Variants in OSBP observed in about 807,000 individuals in gnomAD.
The protein encoded by OSBP is oxysterol binding protein.
A neutral mutation model predicts 96.6 loss-of-function variants in OSBP; 32 were observed. That is an observed-to-expected ratio of 0.33 (90% CI 0.25 to 0.45). The LOEUF (loss-of-function observed/expected upper bound fraction) is 0.45, where lower values mean the gene tolerates loss of function less well. Ranked by LOEUF, OSBP falls within the 20% of genes least tolerant of loss-of-function variation. The probability of loss-of-function intolerance (pLI) is 1.00; values close to 1 mark genes in which losing one functional copy is unlikely to be tolerated. For synonymous variants in OSBP, 369 were observed against 389.6 expected (o/e 0.95, Z 0.62); for missense variants, 653 against 1,029.7 (o/e 0.63, Z 5.01).
chr11:59,582,121 T>C (rs778584744), intron 9 of OSBP, among the ~76,000 whole-genome samples: 3 of 152,254 alleles, frequency 2.0e-5, no homozygotes, highest in Non-Finnish European at 4.4e-5. Context: ...ACCCTTGTAA[T>C]TTCCCAAGTG....
chr11:59,578,515 A>G (rs1860385212), intron 11 of OSBP, among the ~76,000 whole-genome samples, 185 bp from the exon 12 acceptor site: 1 of 152,180 alleles, frequency 6.6e-6, no homozygotes, highest in Non-Finnish European at 1.5e-5. Flanking sequence ...CACTGATGCA[A>G]TCGTAGCTCA....
chr11:59,587,224 G>T (rs1012741564), intron 9 of OSBP, among the ~76,000 whole-genome samples: 2 of 152,256 alleles, frequency 1.3e-5, no homozygotes, highest in Admixed American at 1.3e-4. Flanking sequence ...AAGGAGGCTG[G>T]GTACGGCAGC....
At chr11:59,605,630 C>T (rs1860772745) in intron 3 of OSBP, among the ~76,000 whole-genome samples, 1 of 152,126 alleles carries the variant, frequency 6.6e-6, no homozygotes, top group African/African-American at 2.4e-5. Flanking sequence ...AGGTGATCCA[C>T]TCGACTCGGC....
intron 12 of OSBP, 114 bp downstream of exon 12, chr11:59,578,035 T>A: frequency 1.1e-6 from 1 of 934,602 alleles, no homozygotes; most frequent in Non-Finnish European, 1.7e-6. Flanking sequence ...AGTCTCAATT[T>A]CCCTTGCTCA....
intron 12 of OSBP, 89 bp from the exon 13 acceptor site, chr11:59,577,114 C>A: frequency 9.9e-7 from 1 of 1,007,886 alleles, no homozygotes; most frequent in South Asian, 1.5e-5. Context: ...GCCAAGGCCA[C>A]ATCACCAAGG....
Position 59,608,653 on chromosome 11 carries a change from A to G in OSBP, c.653T>C (p.Val218Ala). Residue 218 changes from valine to alanine, a missense_variant, in exon 3 of 14, where the codon GTA (valine) becomes GCA (alanine). By Grantham distance (64) the Val-to-Ala change is moderately conservative (BLOSUM62 0). Transcript: ENST00000263847. ...GTCATTGCACGTGCTCAAGTCCTCT[A>G]CTTTGCTAGAGAGGGTCCGAAGGGT... ...QNTLRTLSSK[V>A]EDLSTCNDLI... is the part of the protein sequence containing the mutation. The G allele has an allele frequency of 1.2e-6, 2 of 1,614,134 alleles. No homozygotes were observed. The highest frequency in any genetic ancestry group is 1.7e-6 in the Non-Finnish European group (2 of 1,179,988).
At chr11:59,578,453 A>G in intron 11 of OSBP, 123 bp from the exon 12 acceptor site, 1 of 890,352 alleles carries the variant, frequency 1.1e-6, no homozygotes, top group South Asian at 1.7e-5. Flanking sequence ...CCAGAGAGTC[A>G]TCCAAATTAT....
intron 3 of OSBP, among the ~76,000 whole-genome samples, chr11:59,605,661 C>CACA (rs1281561223): frequency 6.6e-6 from 1 of 152,194 alleles, no homozygotes; most frequent in African/African-American, 2.4e-5. Context: ...GCTGGGATTA[C>CACA]AGGTGTGAGG....
At chr11:59,593,025 A>G (rs376671804) in intron 9 of OSBP, among the ~76,000 whole-genome samples, 7 of 152,132 alleles carry the variant, frequency 4.6e-5, no homozygotes, top group African/African-American at 1.7e-4. Flanking sequence ...CTTGAACTCC[A>G]GAGCTCAGAC....
At position 59,576,384 on chromosome 11, in the gene OSBP, T is replaced by C; in HGVS notation, c.*193A>G. 1 of 617,034 alleles carries C rather than the reference T, an allele frequency of 1.6e-6. No individual in the cohort carries two copies. Among genetic ancestry groups the C allele is most frequent in the Non-Finnish European group, 2.8e-6 (1 of 356,388 alleles). The allele number at this position is 617,034 out of a possible 1,614,324, so 38.2% of individuals were successfully genotyped here. On this transcript the variant is annotated 3_prime_UTR_variant, in exon 14 of 14. Coordinates refer to ENST00000263847, the MANE Select transcript of OSBP (RefSeq NM_002556.3). ...ATAGTATCTCCTATGTCGATTTCAG[T>C]TTCAATCAGCTAAGGCAACCAGCCA...
At position 59,577,771 on chromosome 11, in the gene OSBP, G is replaced by A. The variant is rs979489883; in HGVS notation, c.2060+378C>T. ...CTCCCAAAGTGCTGGGATTGCAGGC[G>A]TGAGCCACCGCACCTGGCTGCTGAT... On this transcript the variant is annotated intron_variant, in intron 12 of 13. Transcript: ENST00000263847. Among the ~76,000 whole-genome samples the A allele has an allele frequency of 6.6e-5, 10 of 152,296 alleles. No individual in the cohort carries two copies. In the East Asian group the frequency reaches 7.7e-4, roughly 12 times the overall value.
Position 59,576,620 on chromosome 11 carries a change from C to T in OSBP, c.2381G>A (p.Cys794Tyr), listed in dbSNP as rs1182468515. The change falls in exon 14 of 14, where the codon TGT becomes TAT. Residue 794 changes from cysteine to tyrosine, a missense_variant. By Grantham distance (194) the Cys-to-Tyr change is radical (BLOSUM62 -2). This residue lies in a region of OSBP where 169 missense variants were observed against 251.5 expected (regional missense o/e 0.67). Transcript: ENST00000263847. ...TGAGCTCCAGTCCTGTTTTTCTTTACACTCCCAGTATTCTCCCCTATAAAT... is the reference window on the plus strand; with the variant it reads ...TGAGCTCCAGTCCTGTTTTTCTTTATACTCCCAGTATTCTCCCCTATAAAT... ...THIYRGEYWECKEKQDWSSCP... is the reference protein window; with the variant it reads ...THIYRGEYWEYKEKQDWSSCP... 1.2e-6 allele frequency: 2 copies of T among 1,613,822 alleles called. No individual in the cohort carries two copies. Among genetic ancestry groups the T allele is most frequent in the Non-Finnish European group, 1.7e-6 (2 of 1,179,984 alleles).
At chr11:59,583,126 C>G (rs1164475305) in intron 9 of OSBP, among the ~76,000 whole-genome samples, 1 of 152,088 alleles carries the variant, frequency 6.6e-6, no homozygotes, top group Non-Finnish European at 1.5e-5. Context: ...GCCTGGCCAA[C>G]ATGATGAAAC....
Position 59,594,165 on chromosome 11 carries a change from T to A in OSBP, c.1402A>T (p.Asn468Tyr). The A allele has an allele frequency of 6.2e-7, 1 of 1,614,146 alleles. No individual in the cohort carries two copies. Among genetic ancestry groups the A allele is most frequent in the Admixed American group, 1.7e-5 (1 of 60,020 alleles). The part of the protein sequence containing the change: ...ELLDRAAKCE[N>Y]SLEQLCYVAA... ...ACATAACAGAGCTGTTCTAGAGAAT[T>A]CTCACATTTTGCAGCTCGGTCTAAC... Residue 468 changes from asparagine to tyrosine, a missense_variant, in exon 8 of 14, where the codon AAT (asparagine) becomes TAT (tyrosine). By Grantham distance (143) the Asn-to-Tyr change is moderately radical (BLOSUM62 -2). Transcript: ENST00000263847.
chr11:59,588,201 T>C (rs1479878901), intron 9 of OSBP, among the ~76,000 whole-genome samples: 2 of 152,128 alleles, frequency 1.3e-5, no homozygotes, highest in African/African-American at 4.8e-5. Flanking sequence ...AGACAGAAAG[T>C]AGAATAGTGG....
At chr11:59,581,674 C>A in intron 9 of OSBP, 120 bp from the exon 10 acceptor site, 7 of 529,534 alleles carry the variant, frequency 1.3e-5, no homozygotes, top group Admixed American at 9.2e-5. Context: ...AGAAATAAAA[C>A]AATAAATCAA....
intron 7 of OSBP, among the ~76,000 whole-genome samples, chr11:59,599,223 TA>T (rs1180833519): frequency 6.6e-6 from 1 of 152,238 alleles, no homozygotes; most frequent in African/African-American, 2.4e-5. Flanking sequence ...ACTGCTGTTA[TA>T]GGATGAAAGC....
intron 9 of OSBP, among the ~76,000 whole-genome samples, chr11:59,585,808 T>A (rs1343165795): frequency 6.6e-6 from 1 of 152,264 alleles, no homozygotes; most frequent in Non-Finnish European, 1.5e-5. Flanking sequence ...AGACTTTTCA[T>A]TTTGTTCTGT....
chr11:59,593,693 T>C lies in OSBP; in HGVS notation c.1589A>G (p.His530Arg). ...TGTCCAGCCATTTTTGGACTCAGCA[T>C]GGTGCGCAGCAGCAGGGGGATGATG... ...VSHHPPAAAHHAESKNGWTLR... is the reference protein window; with the variant it reads ...VSHHPPAAAHRAESKNGWTLR... The change falls in exon 9 of 14, where the codon CAT (histidine) becomes CGT (arginine). Residue 530 changes from histidine (H) to arginine (R), a missense_variant. Coordinates refer to ENST00000263847, the MANE Select transcript of OSBP (RefSeq NM_002556.3). The C allele has an allele frequency of 1.2e-6, 2 of 1,614,176 alleles. No homozygotes were observed. The highest frequency in any genetic ancestry group is 1.7e-6 in the Non-Finnish European group (2 of 1,180,006).
Sources: allele counts gnomAD v4.1 joint callset (sites outside exome capture counted in the v4.1 genomes callset), GRCh38; gene constraint gnomAD v4.1.1; regional missense constraint gnomAD v4.1.1; transcripts MANE v1.5; gene names NCBI Gene and HGNC (gene_info 2026-07-23, HGNC 2026-07-21).